The following SPOCK3 variants were observed in gnomAD, a reference collection of about 807,000 sequenced individuals.
SPOCK3 encodes testican-3.
Under a neutral mutation model 56.6 loss-of-function variants are expected in SPOCK3, and 30 were observed. That is an observed-to-expected ratio of 0.53 (90% CI 0.40 to 0.72). The LOEUF (loss-of-function observed/expected upper bound fraction) is 0.72. Ranked by LOEUF, SPOCK3 falls within the 30% of genes least tolerant of loss-of-function variation. The pLI, the probability that SPOCK3 is intolerant of heterozygous loss-of-function variation, is 0.00. For missense variants in SPOCK3, 527 were observed against 530.0 expected, an observed-to-expected ratio of 0.99 and a Z score of 0.06; for synonymous variants, 196 against 183.3, an observed-to-expected ratio of 1.07 and a Z score of -0.56.
intron 6 of SPOCK3, among the ~76,000 whole-genome samples, chr4:166,797,790 T>C (rs961368169): frequency 6.6e-6 from 1 of 152,224 alleles, no homozygotes; most frequent in Non-Finnish European, 1.5e-5. Context: ...AAATATTTAT[T>C]GTGTATATCT....
intron 6 of SPOCK3, among the ~76,000 whole-genome samples, chr4:166,793,353 T>A (rs1025544404): frequency 9.2e-5 from 14 of 152,300 alleles, no homozygotes; most frequent in African/African-American, 3.1e-4. Flanking sequence ...AGTAGGGGTA[T>A]CCAATATTTT....
intron 2 of SPOCK3, among the ~76,000 whole-genome samples, chr4:167,132,995 C>A (rs1762825751): frequency 6.6e-6 from 1 of 152,140 alleles, no homozygotes; most frequent in Non-Finnish European, 1.5e-5. Flanking sequence ...GACTACCATT[C>A]AATCCACTGC....
intron 2 of SPOCK3, among the ~76,000 whole-genome samples, chr4:167,099,353 T>C (rs1456104282): frequency 6.6e-6 from 1 of 151,904 alleles, no homozygotes; most frequent in Non-Finnish European, 1.5e-5. Flanking sequence ...CCTACTGAAG[T>C]GGCTGTAAAG....
At chr4:166,899,508 C>CTTTCTTTT (rs1553997547) in intron 5 of SPOCK3, among the ~76,000 whole-genome samples, 9 of 119,100 alleles carry the variant, frequency 7.6e-5, no homozygotes, top group African/African-American at 2.5e-4. Context: ...TTCTTTCTTT[C>CTTTCTTTT]TTTTTTTTTT....
At chr4:167,165,087 AT>A (rs565985785) in intron 2 of SPOCK3, among the ~76,000 whole-genome samples, 65 of 152,202 alleles carry the variant, frequency 4.3e-4, no homozygotes, top group African/African-American at 1.5e-3. Flanking sequence ...TTCTCCACAA[AT>A]TCGCCAGCAT....
intron 2 of SPOCK3, among the ~76,000 whole-genome samples, chr4:167,204,927 G>A (rs1159324209): frequency 2.0e-5 from 3 of 149,392 alleles, no homozygotes; most frequent in Non-Finnish European, 4.4e-5. Flanking sequence ...CTGGGATCAA[G>A]CAATCCTCCT....
intron 6 of SPOCK3, among the ~76,000 whole-genome samples, chr4:166,877,575 A>C (rs1204156309): frequency 2.0e-5 from 3 of 152,188 alleles, no homozygotes; most frequent in African/African-American, 7.2e-5. Context: ...AAAAAGAATG[A>C]AAATCTCAAA....
intron 6 of SPOCK3, among the ~76,000 whole-genome samples, chr4:166,886,872 C>T (rs1239152569): frequency 6.6e-6 from 1 of 152,150 alleles, no homozygotes; most frequent in African/African-American, 2.4e-5. Flanking sequence ...CCCTGTCTCT[C>T]AGCCTTTGGC....
At chr4:167,208,129 T>C (rs892599513) in intron 2 of SPOCK3, among the ~76,000 whole-genome samples, 16 of 152,176 alleles carry the variant, frequency 1.1e-4, no homozygotes, top group Middle Eastern at 3.4e-3. Context: ...ACCTCTTCTA[T>C]AAGAAATTTT....
Position 167,233,152 on chromosome 4 carries a change from T to C in SPOCK3, c.189+833A>G, listed in dbSNP as rs550810477. Among the ~76,000 whole-genome samples, 6 of 152,330 alleles carry C rather than the reference T, an allele frequency of 3.9e-5. No homozygotes were observed. In the East Asian group the frequency reaches 9.6e-4, roughly 24 times the overall value. ...CAAGGCTTCCAGTTGTATCGTGCTC[T>C]GTACGTGAGCAGCTCTTACTGGGCT... On this transcript the variant is annotated intron_variant, in intron 2 of 10. Transcript: ENST00000357545.
At chr4:167,156,052 A>T (rs1764793904) in intron 2 of SPOCK3, among the ~76,000 whole-genome samples, 1 of 152,230 alleles carries the variant, frequency 6.6e-6, no homozygotes, top group South Asian at 2.1e-4. Flanking sequence ...AGTTAAAACA[A>T]AACAGATAAA....
At chr4:167,177,556 T>A (rs1731094911) in intron 2 of SPOCK3, among the ~76,000 whole-genome samples, 1 of 151,942 alleles carries the variant, frequency 6.6e-6, no homozygotes, top group Non-Finnish European at 1.5e-5. Context: ...GCAAGATGAT[T>A]TTGGAAGAGA....
intron 4 of SPOCK3, among the ~76,000 whole-genome samples, chr4:166,995,419 T>A (rs1748256142): frequency 6.6e-6 from 1 of 152,042 alleles, no homozygotes; most frequent in Admixed American, 6.6e-5. Flanking sequence ...TTTGCAAACC[T>A]TCGTCATCCT....
At chr4:166,901,992 C>T (rs1403780384) in intron 5 of SPOCK3, among the ~76,000 whole-genome samples, 1 of 152,102 alleles carries the variant, frequency 6.6e-6, no homozygotes, top group African/African-American at 2.4e-5. Flanking sequence ...AGGGCAGATA[C>T]TGTTTGGAGG....
At chr4:167,063,848 A>G (rs1208538122) in intron 2 of SPOCK3, among the ~76,000 whole-genome samples, 1 of 151,912 alleles carries the variant, frequency 6.6e-6, no homozygotes, top group East Asian at 1.9e-4. Flanking sequence ...GGCAAAAGAC[A>G]TAATTTCATT....
intron 10 of SPOCK3, 138 bp downstream of exon 10, chr4:166,737,329 G>C (rs1734311655): frequency 4.7e-6 from 4 of 851,970 alleles, no homozygotes; most frequent in Non-Finnish European, 6.8e-6. Flanking sequence ...AGTTTTTTTT[G>C]TCACTCCCTC....
At chr4:166,936,401 TGAG>T (rs1320060237) in intron 4 of SPOCK3, among the ~76,000 whole-genome samples, 1 of 152,120 alleles carries the variant, frequency 6.6e-6, no homozygotes, top group Non-Finnish European at 1.5e-5. Flanking sequence ...AAATAATTAA[TGAG>T]GAAAACACTT....
chr4:166,923,829 A>C (rs1211086373), intron 4 of SPOCK3, among the ~76,000 whole-genome samples: 1 of 152,218 alleles, frequency 6.6e-6, no homozygotes, highest in South Asian at 2.1e-4. Flanking sequence ...TAGACACTAC[A>C]TAACTGTTAA....
chr4:167,054,067 T>C (rs537742725), intron 3 of SPOCK3, among the ~76,000 whole-genome samples: 7 of 152,318 alleles, frequency 4.6e-5, no homozygotes, highest in South Asian at 2.1e-4. Flanking sequence ...CTAGAAAGCA[T>C]ATTTTCCTTC....
Sources: allele counts gnomAD v4.1 joint callset (sites outside exome capture counted in the v4.1 genomes callset), GRCh38; gene constraint gnomAD v4.1.1; transcripts MANE v1.5; gene names NCBI Gene and HGNC (gene_info 2026-07-23, HGNC 2026-07-21).